CSNK1G3: variants seen among roughly 807,000 people sequenced by gnomAD.
The protein encoded by CSNK1G3 is casein kinase 1 gamma 3.
CSNK1G3 carries 23 observed loss-of-function variants against 64.3 expected under a neutral mutation model. The ratio of observed to expected loss-of-function variants is 0.36; its 90% CI spans 0.26 to 0.51. The LOEUF is 0.51. Ranked by LOEUF, CSNK1G3 falls within the 20% of genes least tolerant of loss-of-function variation. The pLI, the probability that CSNK1G3 is intolerant of heterozygous loss-of-function variation, is 0.96. For missense variants in CSNK1G3, 357 were observed against 510.5 expected (o/e 0.70, Z 2.90); for synonymous variants, 158 against 162.2 (o/e 0.97, Z 0.20).
chr5:123,587,456 G>A (rs1339638530), intron 6 of CSNK1G3, among the ~76,000 whole-genome samples: 1 of 152,150 alleles, frequency 6.6e-6, no homozygotes, highest in Non-Finnish European at 1.5e-5. Flanking sequence ...TCACTTATGT[G>A]CTAAATGACA....
intron 1 of CSNK1G3, among the ~76,000 whole-genome samples, chr5:123,541,375 C>T (rs1431596660): frequency 6.6e-6 from 1 of 152,080 alleles, no homozygotes. Context: ...GTGCTATTTA[C>T]ACAGTATATC....
At chr5:123,562,039 T>C (rs1470857662) in intron 4 of CSNK1G3, among the ~76,000 whole-genome samples, 1 of 152,176 alleles carries the variant, frequency 6.6e-6, no homozygotes, top group African/African-American at 2.4e-5. Context: ...GCACATCATT[T>C]AGTATAAAGT....
intron 4 of CSNK1G3, among the ~76,000 whole-genome samples, chr5:123,566,545 C>G (rs1418652786): frequency 2.6e-5 from 4 of 152,174 alleles, no homozygotes; most frequent in African/African-American, 4.8e-5. Flanking sequence ...TAAAGAATCT[C>G]TACCTTGTGA....
chr5:123,579,012 A>G (rs1789720707), intron 6 of CSNK1G3, among the ~76,000 whole-genome samples: 1 of 152,002 alleles, frequency 6.6e-6, no homozygotes, highest in South Asian at 2.1e-4. Flanking sequence ...ACCAATCAGT[A>G]TATATCCATC....
chr5:123,580,563 G>A (rs1790051886), intron 6 of CSNK1G3, among the ~76,000 whole-genome samples: 1 of 151,894 alleles, frequency 6.6e-6, no homozygotes, highest in South Asian at 2.1e-4. Flanking sequence ...TGTTACAGAT[G>A]TGGATTTCCA....
At chr5:123,581,498 C>G (rs1015329948) in intron 6 of CSNK1G3, among the ~76,000 whole-genome samples, 13 of 150,504 alleles carry the variant, frequency 8.6e-5, no homozygotes, top group Non-Finnish European at 1.8e-4. Context: ...ACCAAACTTA[C>G]AAGAATTATG....
At chr5:123,544,930 C>T (rs185655048) in intron 1 of CSNK1G3, among the ~76,000 whole-genome samples, 2 of 151,638 alleles carry the variant, frequency 1.3e-5, no homozygotes, top group African/African-American at 4.8e-5. Flanking sequence ...TAAGGTAATA[C>T]TTGAATAAAT....
intron 1 of CSNK1G3, among the ~76,000 whole-genome samples, chr5:123,515,291 C>T (rs1264135369): frequency 6.6e-5 from 10 of 152,046 alleles, no homozygotes; most frequent in South Asian, 2.1e-4. Flanking sequence ...ATGGAACAAG[C>T]GGTTGTTTTG....
At chr5:123,555,027 A>G (rs1784376075) in intron 3 of CSNK1G3, among the ~76,000 whole-genome samples, 1 of 152,132 alleles carries the variant, frequency 6.6e-6, no homozygotes, top group Non-Finnish European at 1.5e-5. Flanking sequence ...TCTTATATAC[A>G]TACACATATA....
At chr5:123,528,426 A>G (rs899627153) in intron 1 of CSNK1G3, among the ~76,000 whole-genome samples, 1 of 152,190 alleles carries the variant, frequency 6.6e-6, no homozygotes, top group Admixed American at 6.5e-5. Context: ...CTTTTAATCA[A>G]TGTTGACTGC....
intron 1 of CSNK1G3, among the ~76,000 whole-genome samples, chr5:123,517,913 T>G (rs570711831): frequency 1.8e-4 from 27 of 148,936 alleles, no homozygotes; most frequent in Non-Finnish European, 3.7e-4. Flanking sequence ...GAGATTTATT[T>G]AATAACATCC....
intron 10 of CSNK1G3, among the ~76,000 whole-genome samples, chr5:123,604,252 T>G (rs1191913111): frequency 6.6e-6 from 1 of 152,098 alleles, no homozygotes; most frequent in East Asian, 1.9e-4. Context: ...AATGGTGTTG[T>G]CTCTATTTAA....
exon 9 of CSNK1G3, chr5:123,590,444 G>A: frequency 3.3e-6 from 5 of 1,503,806 alleles, no homozygotes; most frequent in Non-Finnish European, 4.4e-6. Context: ...ATGTAAGAAG[G>A]CTAGATTTTT....
At chr5:123,603,440 T>G (rs1486080974) in intron 10 of CSNK1G3, among the ~76,000 whole-genome samples, 1 of 152,100 alleles carries the variant, frequency 6.6e-6, no homozygotes, top group Non-Finnish European at 1.5e-5. Flanking sequence ...TTTATTGAGT[T>G]CCTATTCTCT....
intron 4 of CSNK1G3, among the ~76,000 whole-genome samples, chr5:123,567,525 T>C (rs1787159793): frequency 6.6e-6 from 1 of 152,122 alleles, no homozygotes; most frequent in Admixed American, 6.5e-5. Context: ...GAGAATCACT[T>C]GAACCGTGAA....
exon 2 of CSNK1G3, chr5:123,545,512 C>T: frequency 3.6e-6 from 2 of 553,658 alleles, no homozygotes; most frequent in East Asian, 5.7e-5. Flanking sequence ...ATGGGATGAA[C>T]ATGCTCCAGT....
intron 4 of CSNK1G3, among the ~76,000 whole-genome samples, chr5:123,562,534 T>C (rs1001541185): frequency 6.6e-6 from 1 of 152,124 alleles, no homozygotes; most frequent in African/African-American, 2.4e-5. Context: ...AAATTTCCTA[T>C]ATTTTCTAAC....
chr5:123,543,973 A>G (rs1161023590), intron 1 of CSNK1G3, among the ~76,000 whole-genome samples: 1 of 152,166 alleles, frequency 6.6e-6, no homozygotes, highest in Non-Finnish European at 1.5e-5. Context: ...AGGGGAGCAT[A>G]AAAAGAAAAA....
At chr5:123,520,780 C>T (rs978870651) in intron 1 of CSNK1G3, among the ~76,000 whole-genome samples, 7 of 151,802 alleles carry the variant, frequency 4.6e-5, no homozygotes, top group Non-Finnish European at 8.8e-5. Context: ...TTTGGTTTGA[C>T]TTCAGGTGGT....
Sources: gnomAD v4.1 joint callset for allele counts (sites outside exome capture counted in the v4.1 genomes callset) on GRCh38, gnomAD v4.1.1 for gene constraint, MANE v1.5 for transcripts, NCBI Gene and HGNC (gene_info 2026-07-23, HGNC 2026-07-21) for gene names.